Variants in ODAD2 observed in about 807,000 individuals in gnomAD.
ODAD2 encodes the protein outer dynein arm docking complex subunit 2.
A neutral mutation model predicts 106.8 loss-of-function variants in ODAD2; 89 were observed. The ratio of observed to expected loss-of-function variants is 0.83; its 90% CI spans 0.70 to 0.99. ODAD2 has a LOEUF of 0.99. Among genes scored for constraint, ODAD2 ranks in the 50% least tolerant of loss-of-function variants. The pLI, the probability that ODAD2 is intolerant of heterozygous loss-of-function variation, is 0.00. For missense variants in ODAD2, 1,168 were observed against 1,238.5 expected (o/e 0.94, Z 0.85); for synonymous variants, 404 against 436.2 (o/e 0.93, Z 0.92).
intron 16 of ODAD2, among the ~76,000 whole-genome samples, chr10:27,920,524 G>GA (rs1477698136): frequency 2.0e-5 from 3 of 152,022 alleles, no homozygotes; most frequent in African/African-American, 7.2e-5. Flanking sequence ...TTTAAAATGA[G>GA]AAAACCAAGA....
intron 8 of ODAD2, among the ~76,000 whole-genome samples, chr10:27,969,967 G>A (rs1209473417): frequency 5.3e-5 from 8 of 152,096 alleles, no homozygotes; most frequent in East Asian, 1.9e-4. Context: ...TTAGCCAGCC[G>A]TGGTGTCACA....
chr10:27,873,786 A>T (rs1841097421), intron 17 of ODAD2, among the ~76,000 whole-genome samples: 1 of 152,168 alleles, frequency 6.6e-6, no homozygotes. Flanking sequence ...CTATGTGGTC[A>T]ATTTTGGAAT....
At chr10:27,994,412 T>C (rs1850424395) in intron 2 of ODAD2, among the ~76,000 whole-genome samples, 2 of 152,082 alleles carry the variant, frequency 1.3e-5, no homozygotes, top group Non-Finnish European at 2.9e-5. Context: ...AAGTACCCCA[T>C]ACATTTATAG....
intron 17 of ODAD2, among the ~76,000 whole-genome samples, chr10:27,878,304 C>A (rs1841480503): frequency 6.6e-6 from 1 of 152,022 alleles, no homozygotes; most frequent in Non-Finnish European, 1.5e-5. Flanking sequence ...TATAAAACAG[C>A]AAATACATTT....
chr10:27,932,261 C>T (rs749119566), intron 16 of ODAD2, among the ~76,000 whole-genome samples: 7 of 152,070 alleles, frequency 4.6e-5, no homozygotes, highest in South Asian at 2.1e-4. Flanking sequence ...AATCATCTAA[C>T]ACAAAGCCTA....
intron 17 of ODAD2, among the ~76,000 whole-genome samples, chr10:27,895,116 T>C (rs2133747486): frequency 6.6e-6 from 1 of 151,624 alleles, no homozygotes; most frequent in Admixed American, 6.6e-5. Flanking sequence ...TTTTTTAATT[T>C]GCTTTTCTTT....
intron 7 of ODAD2, among the ~76,000 whole-genome samples, chr10:27,973,047 T>C (rs1848959181): frequency 6.6e-6 from 1 of 152,232 alleles, no homozygotes; most frequent in African/African-American, 2.4e-5. Flanking sequence ...TAAAATCATA[T>C]AAACATCTTA....
At chr10:27,815,176 T>A (rs1836033495) in intron 19 of ODAD2, among the ~76,000 whole-genome samples, 2 of 152,178 alleles carry the variant, frequency 1.3e-5, no homozygotes, top group Admixed American at 1.3e-4. Flanking sequence ...CTCTCTCCTA[T>A]CCAAGGCCCA....
At chr10:27,863,972 G>A (rs1199049206) in intron 17 of ODAD2, among the ~76,000 whole-genome samples, 1 of 152,024 alleles carries the variant, frequency 6.6e-6, no homozygotes. Context: ...ATTTTTAAGG[G>A]CATTGGAAAG....
In ODAD2 at chr10:27,948,779, ATTTTTTTTT is replaced by A. The variant is rs11451204; in HGVS notation, c.1387-3826_1387-3818del. Among the ~76,000 whole-genome samples, 7 of 40,326 alleles carry A rather than the reference ATTTTTTTTT, an allele frequency of 1.7e-4. No homozygotes were observed. The East Asian group carries it at 4.2e-3, about 24-fold the overall frequency. The allele number at this position is 40,326 out of a possible 152,430, so 26.5% of individuals were successfully genotyped here. On this transcript the variant is annotated intron_variant, in intron 10 of 19. Coordinates refer to ENST00000305242, the MANE Select transcript of ODAD2 (RefSeq NM_018076.5). ...ATCTCCAGGCTCTGTTGGCCTTTGG[ATTTTTTTTT>A]TTTTTTTTTTTTTTTGCAATTGACA...
At chr10:27,827,557 T>C (rs1185783698) in intron 19 of ODAD2, among the ~76,000 whole-genome samples, 1 of 152,050 alleles carries the variant, frequency 6.6e-6, no homozygotes, top group Non-Finnish European at 1.5e-5. Flanking sequence ...CACTCTGCCC[T>C]CTTCCCCAGG....
Position 27,998,963 on chromosome 10 carries a change from A to C in ODAD2, c.-39+31T>G, listed in dbSNP as rs1420657953. ...GCCGCCGCCTTCCGCTCCCAGCCTCACCCGGCCGCGACCGCAGCCCAGTCC... is the reference window on the plus strand; with the variant it reads ...GCCGCCGCCTTCCGCTCCCAGCCTCCCCCGGCCGCGACCGCAGCCCAGTCC... On this transcript the variant is annotated intron_variant, in intron 1 of 19. Coordinates refer to ENST00000305242, the MANE Select transcript of ODAD2 (RefSeq NM_018076.5). 2.6e-5 allele frequency: 4 copies of C among 156,146 alleles called. No homozygotes were observed. In the South Asian group the frequency reaches 7.4e-4, roughly 29 times the overall value. 9.7% of individuals were successfully genotyped at this position (156,146 alleles called of 1,614,324 possible).
chr10:27,886,891 G>T (rs1402727895), intron 17 of ODAD2, among the ~76,000 whole-genome samples: 1 of 151,550 alleles, frequency 6.6e-6, no homozygotes, highest in Admixed American at 6.6e-5. Context: ...ATACACAAAA[G>T]GATATCAAAA....
intron 5 of ODAD2, 28 bp from the exon 6 acceptor site, chr10:27,984,007 GGAGTTCCTTAACCTA>G: frequency 1.2e-6 from 2 of 1,601,670 alleles, no homozygotes; most frequent in Non-Finnish European, 1.7e-6. Flanking sequence ...GCAATTAACA[GGAGTTCCTTAACCTA>G]GAGTTTGGTA....
intron 10 of ODAD2, among the ~76,000 whole-genome samples, chr10:27,948,546 CT>C (rs1469549596): frequency 1.3e-5 from 2 of 152,126 alleles, no homozygotes; most frequent in African/African-American, 4.8e-5. Flanking sequence ...TAAATCTCCC[CT>C]AAGAACATAA....
intron 19 of ODAD2, among the ~76,000 whole-genome samples, chr10:27,855,977 T>C (rs1473330711): frequency 1.3e-5 from 2 of 152,198 alleles, no homozygotes; most frequent in Non-Finnish European, 2.9e-5. Context: ...TGCTCATCAG[T>C]CTTCTAGTTG....
intron 19 of ODAD2, among the ~76,000 whole-genome samples, chr10:27,837,757 T>C (rs1184289807): frequency 6.6e-6 from 1 of 152,236 alleles, no homozygotes. Flanking sequence ...AAGTGTTTAT[T>C]CCCACAAGTG....
intron 16 of ODAD2, among the ~76,000 whole-genome samples, chr10:27,910,039 T>A (rs1843889177): frequency 6.6e-6 from 1 of 152,124 alleles, no homozygotes; most frequent in South Asian, 2.1e-4. Flanking sequence ...CCCATTTCCC[T>A]GTTTTCTATT....
At chr10:27,981,861 AG>A (rs778151579) in intron 6 of ODAD2, 13 of 202,010 alleles carry the variant, frequency 6.4e-5, no homozygotes, top group Non-Finnish European at 1.3e-4. Flanking sequence ...TCTGCTGTTC[AG>A]CAGAGAAGTG....
Sources: allele counts gnomAD v4.1 joint callset (sites outside exome capture counted in the v4.1 genomes callset), GRCh38; gene constraint gnomAD v4.1.1; transcripts MANE v1.5; gene names NCBI Gene and HGNC (gene_info 2026-07-23, HGNC 2026-07-21).